The following GCSH variants were observed in gnomAD, a reference collection of about 807,000 sequenced individuals.
GCSH encodes the protein glycine cleavage system protein H.
Under a neutral mutation model 21.3 loss-of-function variants are expected in GCSH, and 15 were observed. The ratio of observed to expected loss-of-function variants is 0.70; its 90% CI spans 0.47 to 1.08. The LOEUF (loss-of-function observed/expected upper bound fraction) is 1.08, where lower values mean the gene tolerates loss of function less well. Ranked by LOEUF, GCSH falls within the 50% of genes least tolerant of loss-of-function variation. The pLI is 0.00. For missense variants in GCSH, 179 were observed against 217.5 expected, an observed-to-expected ratio of 0.82 and a Z score of 1.11; for synonymous variants, 59 against 84.5, an observed-to-expected ratio of 0.70 and a Z score of 1.66.
chr16:81,087,751 C>G lies in GCSH; in HGVS notation c.229-87G>C, dbSNP rs1972312697. ...CAGAATAAGCCAAACACTGAATCCC[C>G]TATAATGAAGATTTAGTATATATTT... On this transcript the variant is annotated intron_variant, in intron 2 of 4. Coordinates refer to ENST00000315467, the MANE Select transcript of GCSH (RefSeq NM_004483.5). 4 of 866,286 alleles carry G rather than the reference C, an allele frequency of 4.6e-6. No homozygotes were observed. In the South Asian group the frequency reaches 5.4e-5, roughly 12 times the overall value. 53.7% of individuals were successfully genotyped at this position (866,286 alleles called of 1,614,324 possible). A position where few individuals can be genotyped will look rare whatever the true frequency, so the allele number is the denominator to read the frequency against.
rs561239621 is a variant in GCSH, at chr16:81,087,373, T to C, written c.292+228A>G. Reference sequence around the variant, plus strand: ...AAACTCTGTCTCTACAATACAAAAATTAGCTGGGCGTGGTGGCACGTGCCT... The same window carrying C: ...AAACTCTGTCTCTACAATACAAAAACTAGCTGGGCGTGGTGGCACGTGCCT... On this transcript the variant is annotated intron_variant, in intron 3 of 4. Coordinates refer to ENST00000315467, the MANE Select transcript of GCSH (RefSeq NM_004483.5). Among the ~76,000 whole-genome samples the C allele has an allele frequency of 7.9e-5, 12 of 152,030 alleles. No individual in the cohort carries two copies. In the South Asian group the frequency reaches 2.1e-3, roughly 26 times the overall value.
intron 3 of GCSH, among the ~76,000 whole-genome samples, chr16:81,086,945 T>C (rs1247909537): frequency 6.6e-6 from 1 of 152,244 alleles, no homozygotes; most frequent in African/African-American, 2.4e-5. Flanking sequence ...ACACTTCTGG[T>C]CCATGCATTT....
At position 81,096,287 on chromosome 16, in the gene GCSH, G is replaced by C; in HGVS notation, c.-9C>G. ...ACCACTCGCAGCGCCATGTTCGCAG[G>C]GGTGCGGGGGTCGCAGCGCTACGCC... is the stretch of plus-strand genomic sequence containing the variant. On this transcript the variant is annotated 5_prime_UTR_variant, in exon 1 of 5. Coordinates refer to ENST00000315467, the MANE Select transcript of GCSH (RefSeq NM_004483.5). The C allele has an allele frequency of 2.2e-6, 3 of 1,365,242 alleles. No homozygotes were observed. Among genetic ancestry groups the C allele is most frequent in the Non-Finnish European group, 2.8e-6 (3 of 1,064,668 alleles). The allele number at this position is 1,365,242 out of a possible 1,614,324, so 84.6% of individuals were successfully genotyped here.
At chr16:81,085,085 G>A in intron 3 of GCSH, among the ~76,000 whole-genome samples, 1 of 139,194 alleles carries the variant, frequency 7.2e-6, no homozygotes, top group Non-Finnish European at 1.5e-5. Flanking sequence ...TGTGTTCTAG[G>A]CTCACTGCCA....
Position 81,090,666 on chromosome 16 carries a change from C to G in GCSH, c.163G>C (p.Glu55Gln), listed in dbSNP as rs765108958. The change falls in exon 2 of 5, where the codon GAG becomes CAG. Residue 55 changes from glutamate (E) to glutamine (Q), a missense_variant. Physicochemically the swap from Glu to Gln is conservative, Grantham distance 29 (BLOSUM62 2). Coordinates refer to ENST00000315467, the MANE Select transcript of GCSH (RefSeq NM_004483.5). ...TCTGTTGTTACCCATTCGTGTTTCT[C>G]TGTGAATTTACGCACTAAAACAGAA... ...PALLSVRKFT[E>Q]KHEWVTTENG... 3 of 1,612,616 alleles carry G rather than the reference C, an allele frequency of 1.9e-6. No individual in the cohort carries two copies. The highest frequency in any genetic ancestry group is 2.2e-5 in the South Asian group (2 of 91,064).
chr16:81,087,496 C>CA (rs373753780), intron 3 of GCSH, 105 bp downstream of exon 3: 37,237 of 671,296 alleles, frequency 0.055, 14 homozygotes, highest in Middle Eastern at 0.066. Context: ...AGACTGTCTC[C>CA]AAAAAAAAAA....
chr16:81,092,476 C>G (rs1358061971), intron 1 of GCSH, among the ~76,000 whole-genome samples: 1 of 152,140 alleles, frequency 6.6e-6, no homozygotes, highest in Non-Finnish European at 1.5e-5. Flanking sequence ...CACAGTGACT[C>G]ATGCGTGTAA....
chr16:81,082,776 T>C lies in GCSH; in HGVS notation c.*90A>G. 1.4e-6 allele frequency: 1 copy of C among 705,822 alleles called. No individual in the cohort carries two copies. Among genetic ancestry groups the C allele is most frequent in the Non-Finnish European group, 2.6e-6 (1 of 388,974 alleles). 43.7% of individuals were successfully genotyped at this position (705,822 alleles called of 1,614,324 possible). Reference sequence around the variant, plus strand: ...TTTTCCCCATCGGTAATACTAAAAGTTTCTATTCTAAGTCTTCTATCCACC... The same window carrying C: ...TTTTCCCCATCGGTAATACTAAAAGCTTCTATTCTAAGTCTTCTATCCACC... On this transcript the variant is annotated 3_prime_UTR_variant, in exon 5 of 5. Coordinates refer to ENST00000315467, the MANE Select transcript of GCSH (RefSeq NM_004483.5).
At chr16:81,085,380 T>C (rs988175732) in intron 3 of GCSH, among the ~76,000 whole-genome samples, 1 of 152,162 alleles carries the variant, frequency 6.6e-6, no homozygotes, top group African/African-American at 2.4e-5. Flanking sequence ...GAAGGGTATA[T>C]ATTGTCTCAA....
chr16:81,081,968 C>T lies in GCSH; in HGVS notation c.*898G>A, dbSNP rs12445303. 0.1 allele frequency: 45,125 copies of T among 449,828 alleles called. 2,616 individuals carry two copies. Among genetic ancestry groups the T allele is most frequent in the East Asian group, 0.21 (2,963 of 14,336 alleles). 27.9% of individuals were successfully genotyped at this position (449,828 alleles called of 1,614,324 possible). ...TATCTGAGCTCATAAAGCTTCAGTCCTTGTCCACTTTTATTCCCATGACTT... is the reference window on the plus strand; with the variant it reads ...TATCTGAGCTCATAAAGCTTCAGTCTTTGTCCACTTTTATTCCCATGACTT... On this transcript the variant is annotated 3_prime_UTR_variant, in exon 5 of 5. Coordinates refer to ENST00000315467, the MANE Select transcript of GCSH (RefSeq NM_004483.5).
At chr16:81,085,889 G>A (rs1474131821) in intron 3 of GCSH, among the ~76,000 whole-genome samples, 3 of 130 alleles carry the variant, frequency 0.023, no homozygotes, top group African/African-American at 0.023. Context: ...GGGCGCGGTG[G>A]CTCACGCCTG....
intron 3 of GCSH, among the ~76,000 whole-genome samples, chr16:81,085,101 G>T (rs1972246886): frequency 7.6e-6 from 1 of 131,102 alleles, no homozygotes; most frequent in South Asian, 2.5e-4. Context: ...TGCCACCTCT[G>T]CCTCCCGGGT....
chr16:81,082,814 C>CAACT lies in GCSH; in HGVS notation c.*48_*51dup. 1.2e-6 allele frequency: 1 copy of CAACT among 844,448 alleles called. No homozygotes were observed. Among genetic ancestry groups the CAACT allele is most frequent in the East Asian group, 2.5e-5 (1 of 40,766 alleles). The allele number at this position is 844,448 out of a possible 1,614,324, so 52.3% of individuals were successfully genotyped here. On this transcript the variant is annotated 3_prime_UTR_variant, in exon 5 of 5. Coordinates refer to ENST00000315467, the MANE Select transcript of GCSH (RefSeq NM_004483.5). ...TCTTCTATCCACCACTAATTTAAGA[C>CAACT]AACTCTGCTGGCTTGCGTTATTTCA...
Position 81,084,548 on chromosome 16 carries a change from A to G in GCSH, c.339T>C (p.Tyr113=), listed in dbSNP as rs763751652. The change falls in exon 4 of 5, where the codon TAT becomes TAC. Residue 113 remains tyrosine, a synonymous_variant. Coordinates refer to ENST00000315467, the MANE Select transcript of GCSH (RefSeq NM_004483.5). Reference sequence around the variant, plus strand: ...CAGTTACTTCTCCTGATAAAGGAGAATAGAGTTCACTAGCAGCTTTCACAC... The same window carrying G: ...CAGTTACTTCTCCTGATAAAGGAGAGTAGAGTTCACTAGCAGCTTTCACAC... ...LESVKAASEL[Y]SPLSGEVTEI... 3.9e-5 allele frequency: 62 copies of G among 1,602,922 alleles called. 1 individual carries two copies. In the East Asian group the frequency reaches 1.4e-3, roughly 36 times the overall value.
intron 2 of GCSH, among the ~76,000 whole-genome samples, chr16:81,088,827 A>C (rs1972335424): frequency 6.6e-6 from 1 of 152,076 alleles, no homozygotes; most frequent in Non-Finnish European, 1.5e-5. Context: ...CATAGTCCTC[A>C]CACCTTGTAC....
intron 2 of GCSH, among the ~76,000 whole-genome samples, chr16:81,088,176 C>T (rs960592093): frequency 2.4e-4 from 36 of 152,152 alleles, no homozygotes; most frequent in African/African-American, 8.4e-4. Flanking sequence ...GTAATCCCAG[C>T]TCTTAGGGAG....
intron 2 of GCSH, among the ~76,000 whole-genome samples, chr16:81,088,110 A>G (rs1215608523): frequency 6.6e-6 from 1 of 151,976 alleles, no homozygotes; most frequent in Admixed American, 6.6e-5. Context: ...TTGGCGACAG[A>G]GCAAGACTCC....
chr16:81,096,360 C>A lies in GCSH; in HGVS notation c.-82G>T. On this transcript the variant is annotated 5_prime_UTR_variant, in exon 1 of 5. Coordinates refer to ENST00000315467, the MANE Select transcript of GCSH (RefSeq NM_004483.5). The stretch of plus-strand genomic sequence containing the variant: ...GGGGCGGGGAGGGGCAGTTCGCGGC[C>A]GGAGGGAGCCGGCTGGATGGAGGCG... The A allele has an allele frequency of 2.7e-6, 3 of 1,106,618 alleles. No homozygotes were observed. Among genetic ancestry groups the A allele is most frequent in the South Asian group, 2.1e-5 (1 of 47,950 alleles). The allele number at this position is 1,106,618 out of a possible 1,614,324, so 68.5% of individuals were successfully genotyped here.
At chr16:81,090,900 C>G (rs1439791279) in intron 1 of GCSH, 2 of 608,792 alleles carry the variant, frequency 3.3e-6, no homozygotes, top group Non-Finnish European at 5.9e-6. Flanking sequence ...ATCTGAACAC[C>G]TTGTGCATCT....
Sources: allele counts gnomAD v4.1 joint callset (sites outside exome capture counted in the v4.1 genomes callset), GRCh38; gene constraint gnomAD v4.1.1; transcripts MANE v1.5; gene names NCBI Gene and HGNC (gene_info 2026-07-23, HGNC 2026-07-21).